LINGO2: variants seen among roughly 807,000 people sequenced by gnomAD.
LINGO2 encodes leucine rich repeat and Ig domain containing 2, also known as leucine-rich repeat and immunoglobulin-like domain-containing nogo receptor-interacting protein 2.
LINGO2 carries 14 observed loss-of-function variants against 30.6 expected under a neutral mutation model. The ratio of observed to expected loss-of-function variants is 0.46; its 90% confidence interval spans 0.30 to 0.72. LINGO2 has a LOEUF of 0.72. Among genes scored for constraint, LINGO2 ranks in the 30% least tolerant of loss-of-function variants. LINGO2 has a pLI of 0.07. For missense variants in LINGO2, 729 were observed against 751.7 expected, an observed-to-expected ratio of 0.97 and a Z score of 0.35; for synonymous variants, 317 against 288.5, an observed-to-expected ratio of 1.10 and a Z score of -1.00.
At chr9:28,884,898 CTA>C in the LINGO2 span, among the ~76,000 whole-genome samples, 484 of 111,734 alleles carry the variant, frequency 4.3e-3, 14 homozygotes, top group African/African-American at 0.015. Context: ...TATATAGATA[CTA>C]TATATATGTA....
chr9:27,963,831 C>A (rs1819968002), intron 5 of LINGO2, among the ~76,000 whole-genome samples: 2 of 151,076 alleles, frequency 1.3e-5, no homozygotes, highest in South Asian at 4.2e-4. Context: ...AAAACTGTAA[C>A]TTCAGAAATC....
intron 2 of LINGO2, among the ~76,000 whole-genome samples, chr9:28,460,820 T>G (rs562946325): frequency 1.3e-5 from 2 of 151,926 alleles, no homozygotes; most frequent in South Asian, 2.1e-4. Flanking sequence ...GGTTTGTGTG[T>G]GGGGGGAGGG....
intron 1 of LINGO2, among the ~76,000 whole-genome samples, chr9:28,578,885 A>G (rs1824122171): frequency 6.6e-6 from 1 of 152,182 alleles, no homozygotes; most frequent in Non-Finnish European, 1.5e-5. Flanking sequence ...AGTTAGTAAA[A>G]TAGGTTAAGC....
At chr9:29,073,691 C>G in the LINGO2 span, among the ~76,000 whole-genome samples, 1 of 152,046 alleles carries the variant, frequency 6.6e-6, no homozygotes, top group African/African-American at 2.4e-5. Flanking sequence ...ATACTACTGT[C>G]CAGTCTTTTA....
the LINGO2 span, among the ~76,000 whole-genome samples, chr9:28,793,883 A>G: frequency 2.0e-5 from 3 of 152,326 alleles, no homozygotes; most frequent in Non-Finnish European, 4.4e-5. Context: ...TTTAAGATGC[A>G]CTGCTCTACA....
the LINGO2 span, among the ~76,000 whole-genome samples, chr9:28,956,945 G>GGA: frequency 1.3e-5 from 2 of 151,096 alleles, no homozygotes; most frequent in African/African-American, 4.9e-5. Context: ...CATTACCCTG[G>GGA]GAAACAATTT....
chr9:28,511,765 T>A (rs1162223904), intron 1 of LINGO2, among the ~76,000 whole-genome samples: 8 of 152,138 alleles, frequency 5.3e-5, no homozygotes, highest in African/African-American at 1.9e-4. Flanking sequence ...AGCCCATGCA[T>A]CAGTATAGAA....
At chr9:28,576,730 T>C (rs563944476) in intron 1 of LINGO2, among the ~76,000 whole-genome samples, 1 of 152,300 alleles carries the variant, frequency 6.6e-6, no homozygotes, top group African/African-American at 2.4e-5. Context: ...CCATAGGTTA[T>C]TGGGGTGCAA....
At chr9:28,835,842 C>G in the LINGO2 span, among the ~76,000 whole-genome samples, 4 of 152,118 alleles carry the variant, frequency 2.6e-5, no homozygotes, top group Non-Finnish European at 5.9e-5. Context: ...GATTTTTAGA[C>G]CTCTACAGTC....
chr9:28,142,449 C>A (rs1827700305), intron 4 of LINGO2, among the ~76,000 whole-genome samples: 1 of 152,040 alleles, frequency 6.6e-6, no homozygotes, highest in Admixed American at 6.5e-5. Context: ...ATAAAAACTT[C>A]ATAGGATTTT....
At chr9:28,177,890 G>C (rs1381393702) in intron 4 of LINGO2, among the ~76,000 whole-genome samples, 1 of 152,148 alleles carries the variant, frequency 6.6e-6, no homozygotes, top group Non-Finnish European at 1.5e-5. Flanking sequence ...AAGTGACGCT[G>C]CTGAAATTTA....
At chr9:27,991,091 A>C (rs1821375581) in intron 5 of LINGO2, among the ~76,000 whole-genome samples, 2 of 152,082 alleles carry the variant, frequency 1.3e-5, no homozygotes, top group Non-Finnish European at 2.9e-5. Context: ...GGGTACTCTG[A>C]AAATGCCAGC....
At chr9:28,588,002 T>C (rs1824653459) in intron 1 of LINGO2, among the ~76,000 whole-genome samples, 2 of 152,002 alleles carry the variant, frequency 1.3e-5, no homozygotes, top group South Asian at 4.1e-4. Flanking sequence ...CAGGGATATC[T>C]AACAAAAGGA....
At chr9:28,175,521 T>C (rs1244746376) in intron 4 of LINGO2, among the ~76,000 whole-genome samples, 1 of 152,192 alleles carries the variant, frequency 6.6e-6, no homozygotes, top group Non-Finnish European at 1.5e-5. Context: ...CAATGAGACA[T>C]TGCCAACTTC....
At chr9:27,940,370 A>G in the LINGO2 span, 1 of 152,226 alleles carries the variant, frequency 6.6e-6, no homozygotes, top group East Asian at 1.9e-4. Flanking sequence ...TTAGTTATTT[A>G]TAAGAGTTGA....
intron 3 of LINGO2, among the ~76,000 whole-genome samples, chr9:28,295,662 G>C (rs959806001): frequency 6.6e-6 from 1 of 152,028 alleles, no homozygotes; most frequent in Non-Finnish European, 1.5e-5. Flanking sequence ...AGTATGTACC[G>C]CCTCTTCTTC....
chr9:28,373,176 A>C (rs1390892229), intron 2 of LINGO2, among the ~76,000 whole-genome samples: 1 of 152,210 alleles, frequency 6.6e-6, no homozygotes, highest in African/African-American at 2.4e-5. Context: ...ACATGATTAA[A>C]TTGTATGAAA....
rs1170019836 is a variant in LINGO2, at chr9:28,623,018, C to T, written c.-365+47182G>A. On this transcript the variant is annotated intron_variant, in intron 1 of 5. Transcript: ENST00000379992. Reference sequence around the variant, plus strand: ...GAGAAATGTCTATTCAAATCTTTTGCCCATTTTTAAATTAGATTATTAGAT... The same window carrying T: ...GAGAAATGTCTATTCAAATCTTTTGTCCATTTTTAAATTAGATTATTAGAT... Among the ~76,000 whole-genome samples, 4 of 151,978 alleles carry T rather than the reference C, an allele frequency of 2.6e-5. No homozygotes were observed. The East Asian group carries it at 5.8e-4, about 22-fold the overall frequency.
intron 2 of LINGO2, among the ~76,000 whole-genome samples, chr9:28,422,254 C>T (rs1823225248): frequency 6.6e-6 from 1 of 151,944 alleles, no homozygotes; most frequent in Non-Finnish European, 1.5e-5. Context: ...AAAATATTTT[C>T]AAATCATATA....
Sources: gnomAD v4.1 joint callset for allele counts (sites outside exome capture counted in the v4.1 genomes callset) on GRCh38, gnomAD v4.1.1 for gene constraint, MANE v1.5 for transcripts, NCBI Gene and HGNC (gene_info 2026-07-23, HGNC 2026-07-21) for gene names.